ERCC2: variants seen among roughly 807,000 people sequenced by gnomAD.
The protein encoded by ERCC2 is ERCC excision repair 2, TFIIH core complex helicase subunit, also known as general transcription and DNA repair factor IIH helicase subunit XPD.
Under a neutral mutation model 99.4 loss-of-function variants are expected in ERCC2, and 90 were observed. That is an observed-to-expected ratio of 0.91 (90% CI 0.76 to 1.08). The LOEUF (loss-of-function observed/expected upper bound fraction) is 1.08. ERCC2 is among the 50% of genes least tolerant of loss of function. ERCC2 has a pLI of 0.00. For synonymous variants in ERCC2, 497 were observed against 432.4 expected (o/e 1.15, Z -1.85); for missense variants, 993 against 1,038.1 (o/e 0.96, Z 0.60).
chr19:45,353,388 T>G, intron 17 of ERCC2, 54 bp from the exon 18 acceptor site: 5 of 1,216,408 alleles, frequency 4.1e-6, no homozygotes, highest in South Asian at 1.3e-5. Flanking sequence ...CCATCCTGGT[T>G]ACATCCAACT....
At chr19:45,355,813 GC>G (rs1971992875) in intron 15 of ERCC2, 85 bp from the exon 16 acceptor site, 5 of 826,990 alleles carry the variant, frequency 6.0e-6, no homozygotes, top group African/African-American at 2.3e-5. Context: ...GCTGTTCTAA[GC>G]TTTTTTTTTT....
At chr19:45,354,682 G>A in intron 17 of ERCC2, 48 bp downstream of exon 17, 1 of 1,610,646 alleles carries the variant, frequency 6.2e-7, no homozygotes, top group Non-Finnish European at 8.5e-7. Context: ...GCGGTGCAGT[G>A]CCAGGGACTG....
In ERCC2 at chr19:45,352,632, C is replaced by T. The variant is rs777160833; in HGVS notation, c.1920G>A (p.Leu640=). The change falls in exon 21 of 23, where the codon CTG becomes CTA. Residue 640 remains leucine (L), a synonymous_variant. Coordinates refer to ENST00000391945, the MANE Select transcript of ERCC2 (RefSeq NM_000400.4). ...TCTCACGAATCTGGAACTGGTCCCG[C>T]AGGTATTCCAGCCGCGCCTGCAGAT... ...SRILKARLEY[L]RDQFQIREND... 7 of 1,613,952 alleles carry T rather than the reference C, an allele frequency of 4.3e-6. No homozygotes were observed. The highest frequency in any genetic ancestry group is 5.9e-6 in the Non-Finnish European group (7 of 1,180,022).
At chr19:45,354,264 G>A (rs772256227) in intron 17 of ERCC2, among the ~76,000 whole-genome samples, 57 of 152,252 alleles carry the variant, frequency 3.7e-4, no homozygotes, top group Non-Finnish European at 5.6e-4. Context: ...AATGCCCCAC[G>A]ACCTCCTCTA....
In ERCC2 at chr19:45,364,242, C is replaced by T; in HGVS notation, c.808G>A (p.Val270Met). The T allele has an allele frequency of 6.2e-7, 1 of 1,613,692 alleles. No individual in the cohort carries two copies. The highest frequency in any genetic ancestry group is 1.1e-5 in the South Asian group (1 of 91,082). The change falls in exon 9 of 23, where the codon GTG (valine) becomes ATG (methionine). Residue 270 changes from valine (V) to methionine (M), a missense_variant. Physicochemically the swap from Val to Met is conservative, Grantham distance 21. Coordinates refer to ENST00000391945, the MANE Select transcript of ERCC2 (RefSeq NM_000400.4). ...AGACGTCCCCGGCCCCACCTGAGCA[C>T]CGTCTTCTGCAGGGTCTCCAGGTTG... ...QGNLETLQKT[V>M]LRIKETDEQR...
chr19:45,350,524 C>T lies in ERCC2; in HGVS notation c.*1105G>A. On this transcript the variant is annotated 3_prime_UTR_variant, in exon 23 of 23. Transcript: ENST00000391945. ...CATCTTTCCCCCTAGGTGCCCCCAA[C>T]ACAGGCACAGCTGGTGACGCAGAAC... is the stretch of plus-strand genomic sequence containing the variant. 1 of 1,613,960 alleles carries T rather than the reference C, an allele frequency of 6.2e-7. No individual in the cohort carries two copies. The highest frequency in any genetic ancestry group is 8.5e-7 in the Non-Finnish European group (1 of 1,179,976).
chr19:45,352,915 G>GA, intron 19 of ERCC2, 99 bp from the exon 20 acceptor site: 1 of 1,288,140 alleles, frequency 7.8e-7, no homozygotes, highest in South Asian at 1.2e-5. Context: ...GAGTTGGGGG[G>GA]AGAGGGTGTG....
chr19:45,355,896 C>G (rs1375403645), intron 15 of ERCC2, among the ~76,000 whole-genome samples, 168 bp from the exon 16 acceptor site: 4 of 151,442 alleles, frequency 2.6e-5, no homozygotes, highest in African/African-American at 9.7e-5. Context: ...CTCAAGTGAC[C>G]ATCCCGCCTT....
intron 5 of ERCC2, among the ~76,000 whole-genome samples, chr19:45,368,352 C>T (rs1466112103): frequency 1.3e-5 from 2 of 152,098 alleles, no homozygotes; most frequent in African/African-American, 4.8e-5. Context: ...AAATACTGGG[C>T]TAGTAAGTTT....
chr19:45,351,743 G>C, intron 22 of ERCC2, 22 bp from the exon 23 acceptor site: 1 of 1,610,952 alleles, frequency 6.2e-7, no homozygotes, highest in East Asian at 2.2e-5. Context: ...AGAGGAAAGG[G>C]AGAGGGGGGC....
At chr19:45,355,471 T>C (rs1366238315) in intron 16 of ERCC2, among the ~76,000 whole-genome samples, 194 bp downstream of exon 16, 1 of 152,160 alleles carries the variant, frequency 6.6e-6, no homozygotes, top group Non-Finnish European at 1.5e-5. Flanking sequence ...CACCCAGCGG[T>C]GGAGGTTCCC....
rs767284872 is a variant in ERCC2 at position 45,350,927 on chromosome 19, A to G, written c.*702T>C. 120 of 1,611,550 alleles carry G rather than the reference A, an allele frequency of 7.4e-5. No homozygotes were observed. The highest frequency in any genetic ancestry group is 9.8e-5 in the Non-Finnish European group (115 of 1,178,434). Reference sequence around the variant, plus strand: ...AGGGGGGCCACTCCTGGATTCACTCATTTCCTCCCTGCTGCCCTCTTTGCA... The same window carrying G: ...AGGGGGGCCACTCCTGGATTCACTCGTTTCCTCCCTGCTGCCCTCTTTGCA... On this transcript the variant is annotated 3_prime_UTR_variant, in exon 23 of 23. Coordinates refer to ENST00000391945, the MANE Select transcript of ERCC2 (RefSeq NM_000400.4).
chr19:45,350,428 C>G lies in ERCC2; in HGVS notation c.*1201G>C. 6.2e-7 allele frequency: 1 copy of G among 1,613,446 alleles called. No individual in the cohort carries two copies. The highest frequency in any genetic ancestry group is 8.5e-7 in the Non-Finnish European group (1 of 1,179,456). ...CCACAAGGAGGACCTACCCGCCCCT[C>G]TCGGTGAGCCCCTAGCCCCTGTCTG... On this transcript the variant is annotated 3_prime_UTR_variant, in exon 23 of 23. Transcript: ENST00000391945.
intron 5 of ERCC2, among the ~76,000 whole-genome samples, chr19:45,368,070 C>G (rs566708015): frequency 6.6e-6 from 1 of 151,876 alleles, no homozygotes; most frequent in Admixed American, 6.6e-5. Flanking sequence ...AATGGGGTTT[C>G]GCCGTGTTGG....
Position 45,350,239 on chromosome 19 carries a change from T to C in ERCC2, c.*1390A>G, listed in dbSNP as rs1971661117. The C allele has an allele frequency of 4.8e-6, 4 of 836,488 alleles. No individual in the cohort carries two copies. In the African/African-American group the frequency reaches 7.7e-5, roughly 16 times the overall value. 51.8% of individuals were successfully genotyped at this position (836,488 alleles called of 1,614,324 possible). A position where few individuals can be genotyped will look rare whatever the true frequency, so the allele number is the denominator to read the frequency against. On this transcript the variant is annotated 3_prime_UTR_variant, in exon 23 of 23. Coordinates refer to ENST00000391945, the MANE Select transcript of ERCC2 (RefSeq NM_000400.4). ...GAGTTCAAGACCAGCCTGGGCAACA[T>C]ACCAAGACCCCTGTCTCTACAAAAA... is the stretch of plus-strand genomic sequence containing the variant.
In ERCC2 at chr19:45,351,353, A is replaced by C. The variant is rs1971764586; in HGVS notation, c.*276T>G. On this transcript the variant is annotated 3_prime_UTR_variant, in exon 23 of 23. Transcript: ENST00000391945. ...GCCAGCACCCAGGACCTGAGCCCCC[A>C]CTAACGTCCAGTGAACTGCGCTGGC... 1.9e-6 allele frequency: 3 copies of C among 1,610,796 alleles called. No individual in the cohort carries two copies. Among genetic ancestry groups the C allele is most frequent in the Non-Finnish European group, 2.5e-6 (3 of 1,179,970 alleles).
rs180766657 is a variant in ERCC2, at chr19:45,366,382, T to C, written c.361-1224A>G. Among the ~76,000 whole-genome samples, 262 of 152,234 alleles carry C rather than the reference T, an allele frequency of 1.7e-3. 1 individual carries two copies. Among genetic ancestry groups the C allele is most frequent in the African/African-American group, 5.8e-3 (240 of 41,552 alleles). ...GTCTCGAACTCCTGATCTCAGGTGA[T>C]CCACCCGCCTCGGCCTCCCAAAGTG... On this transcript the variant is annotated intron_variant, in intron 5 of 22. Coordinates refer to ENST00000391945, the MANE Select transcript of ERCC2 (RefSeq NM_000400.4).
intron 2 of ERCC2, 107 bp from the exon 3 acceptor site, chr19:45,369,254 G>T: frequency 2.4e-6 from 2 of 848,570 alleles, no homozygotes; most frequent in Non-Finnish European, 4.1e-6. Context: ...AGAACAGCAG[G>T]ATAACACAGC....
Position 45,350,207 on chromosome 19 carries a change from A to AGGCTAGGAGTTCAAGACCAGCCT in ERCC2, c.*1399_*1421dup. On this transcript the variant is annotated 3_prime_UTR_variant, in exon 23 of 23. Transcript: ENST00000391945. ...GAGGCCAAGGCAGGAGGATCACTTG[A>AGGCTAGGAGTTCAAGACCAGCCT]GGCTAGGAGTTCAAGACCAGCCTGG... 3 of 659,892 alleles carry AGGCTAGGAGTTCAAGACCAGCCT rather than the reference A, an allele frequency of 4.5e-6. No homozygotes were observed. In the African/African-American group the frequency reaches 5.5e-5, roughly 12 times the overall value. The allele number at this position is 659,892 out of a possible 1,614,324, so 40.9% of individuals were successfully genotyped here.
Sources: gnomAD v4.1 joint callset for allele counts (sites outside exome capture counted in the v4.1 genomes callset) on GRCh38, gnomAD v4.1.1 for gene constraint, MANE v1.5 for transcripts, NCBI Gene and HGNC (gene_info 2026-07-23, HGNC 2026-07-21) for gene names.